DAB1: variants seen among roughly 807,000 people sequenced by gnomAD.
The protein encoded by DAB1 is disabled homolog 1.
A neutral mutation model predicts 64.6 loss-of-function variants in DAB1; 15 were observed. The observed-to-expected ratio is 0.23, with a 90% CI of 0.16 to 0.36. The LOEUF is 0.36. Ranked by LOEUF, DAB1 falls within the 10% of genes least tolerant of loss-of-function variation. The pLI is 1.00. For synonymous variants in DAB1, 235 were observed against 251.9 expected, an observed-to-expected ratio of 0.93 and a Z score of 0.64; for missense variants, 596 against 706.7, an observed-to-expected ratio of 0.84 and a Z score of 1.78.
chr1:57,258,352 G>A (rs1669922680), intron 2 of DAB1, among the ~76,000 whole-genome samples: 1 of 152,110 alleles, frequency 6.6e-6, no homozygotes, highest in Non-Finnish European at 1.5e-5. Context: ...TCAAGTGAGT[G>A]TGAGCATTTT....
At chr1:58,319,387 T>G (rs1261808160) in intron 4 of DAB1, among the ~76,000 whole-genome samples, 1 of 152,220 alleles carries the variant, frequency 6.6e-6, no homozygotes, top group Admixed American at 6.5e-5. Flanking sequence ...CAAACCAAAC[T>G]TGAACTAGCT....
intron 7 of DAB1, among the ~76,000 whole-genome samples, chr1:57,599,800 C>T (rs2101583535): frequency 6.6e-6 from 1 of 152,176 alleles, no homozygotes; most frequent in East Asian, 1.9e-4. Context: ...TGCCTGTAGC[C>T]CTTTGTAATC....
intron 7 of DAB1, among the ~76,000 whole-genome samples, chr1:57,533,905 C>T (rs969647471): frequency 6.6e-6 from 1 of 151,984 alleles, no homozygotes; most frequent in Non-Finnish European, 1.5e-5. Context: ...TGAGGAATAT[C>T]AACATAAAAT....
At chr1:58,389,628 G>C (rs528521684) in intron 3 of DAB1, among the ~76,000 whole-genome samples, 1 of 152,114 alleles carries the variant, frequency 6.6e-6, no homozygotes, top group South Asian at 2.1e-4. Flanking sequence ...TCTCCTCATT[G>C]GGTCCATTTC....
chr1:57,134,921 T>C (rs1011402516), intron 4 of DAB1, among the ~76,000 whole-genome samples: 2 of 152,176 alleles, frequency 1.3e-5, no homozygotes, highest in African/African-American at 4.8e-5. Context: ...GGTACTTATA[T>C]TTACCACAAT....
At chr1:57,439,425 C>CT (rs71051230) in intron 7 of DAB1, among the ~76,000 whole-genome samples, 4,899 of 97,912 alleles carry the variant, frequency 0.05, 291 homozygotes, top group African/African-American at 0.058. Flanking sequence ...GAGGTTTTTT[C>CT]TTTTTTTTTT....
chr1:57,004,990 C>T (rs746891114), intron 14 of DAB1, among the ~76,000 whole-genome samples: 1 of 152,096 alleles, frequency 6.6e-6, no homozygotes, highest in Admixed American at 6.6e-5. Context: ...TATATTCAAA[C>T]AAAAGGAAAA....
chr1:57,598,046 G>C (rs767028709), intron 7 of DAB1, among the ~76,000 whole-genome samples: 4 of 152,122 alleles, frequency 2.6e-5, no homozygotes, highest in Non-Finnish European at 5.9e-5. Context: ...GCAGTGGCAC[G>C]ATCTTGGCTC....
intron 5 of DAB1, among the ~76,000 whole-genome samples, chr1:57,938,376 C>T (rs1244648374): frequency 6.6e-6 from 1 of 152,158 alleles, no homozygotes; most frequent in African/African-American, 2.4e-5. Context: ...TTCATCTTGA[C>T]TTGTAATCCC....
intron 4 of DAB1, among the ~76,000 whole-genome samples, chr1:57,077,392 G>T (rs1652087107): frequency 6.6e-6 from 1 of 152,160 alleles, no homozygotes; most frequent in South Asian, 2.1e-4. Context: ...AGGAAGGCAG[G>T]CAGGGAGGAA....
intron 4 of DAB1, among the ~76,000 whole-genome samples, chr1:58,230,905 C>T (rs546348937): frequency 6.6e-6 from 1 of 152,266 alleles, no homozygotes; most frequent in African/African-American, 2.4e-5. Flanking sequence ...TGGTTAAGGC[C>T]GTGAGTTCTG....
chr1:57,768,283 T>C (rs913635718), intron 6 of DAB1, among the ~76,000 whole-genome samples: 1 of 151,642 alleles, frequency 6.6e-6, no homozygotes, highest in Admixed American at 6.6e-5. Context: ...CTAATTTCTC[T>C]AGGTCTCAGA....
chr1:58,508,583 C>T (rs753650313), intron 2 of DAB1, among the ~76,000 whole-genome samples: 10 of 152,160 alleles, frequency 6.6e-5, no homozygotes, highest in Admixed American at 2.6e-4. Context: ...ACCTGCAGCT[C>T]CCCACCACTC....
chr1:58,272,746 T>C (rs1193111063), intron 4 of DAB1, among the ~76,000 whole-genome samples: 9 of 152,158 alleles, frequency 5.9e-5, no homozygotes, highest in Non-Finnish European at 1.3e-4. Context: ...TAGTTAGCTC[T>C]TCTTGTTGAA....
chr1:57,648,340 C>A (rs1308121708), intron 7 of DAB1, among the ~76,000 whole-genome samples: 1 of 152,126 alleles, frequency 6.6e-6, no homozygotes, highest in Admixed American at 6.5e-5. Flanking sequence ...TCTCATTGAA[C>A]TCTATTCATT....
chr1:57,364,441 C>A (rs1278338080), intron 1 of DAB1, among the ~76,000 whole-genome samples: 2 of 152,084 alleles, frequency 1.3e-5, no homozygotes, highest in African/African-American at 4.8e-5. Flanking sequence ...CATTTACTAG[C>A]CGTGACACCT....
intron 5 of DAB1, among the ~76,000 whole-genome samples, chr1:58,137,867 T>C (rs929206876): frequency 6.6e-6 from 1 of 152,134 alleles, no homozygotes. Context: ...GAGGTTGTCA[T>C]AGGTTTCAGC....
intron 4 of DAB1, among the ~76,000 whole-genome samples, chr1:58,185,138 C>A (rs376814393): frequency 6.6e-6 from 1 of 152,318 alleles, no homozygotes; most frequent in Non-Finnish European, 1.5e-5. Context: ...GAAACCACTA[C>A]TAGTTTGATG....
At chr1:57,288,188 T>A (rs565799511) in intron 2 of DAB1, among the ~76,000 whole-genome samples, 1 of 152,294 alleles carries the variant, frequency 6.6e-6, no homozygotes, top group African/African-American at 2.4e-5. Flanking sequence ...TATAAACAAT[T>A]GCAAAATATT....
Sources: allele counts gnomAD v4.1 joint callset (sites outside exome capture counted in the v4.1 genomes callset), GRCh38; gene constraint gnomAD v4.1.1; transcripts MANE v1.5; gene names NCBI Gene and HGNC (gene_info 2026-07-23, HGNC 2026-07-21).